FNIP1: variants seen among roughly 807,000 people sequenced by gnomAD.
FNIP1 encodes folliculin-interacting protein 1.
Under a neutral mutation model 124.5 loss-of-function variants are expected in FNIP1, and 40 were observed. That is an observed-to-expected ratio of 0.32 (90% CI 0.25 to 0.42). FNIP1 has a LOEUF of 0.42. Among genes scored for constraint, FNIP1 ranks in the 10% least tolerant of loss-of-function variants. The probability of loss-of-function intolerance (pLI) is 1.00; values close to 1 mark genes in which losing one functional copy is unlikely to be tolerated. For synonymous variants in FNIP1, 472 were observed against 470.6 expected (o/e 1.00, Z -0.04); for missense variants, 1,176 against 1,403.7 (o/e 0.84, Z 2.59).
chr5:131,792,902 G>GA (rs1772456452), intron 1 of FNIP1, among the ~76,000 whole-genome samples: 1 of 152,140 alleles, frequency 6.6e-6, no homozygotes, highest in Admixed American at 6.5e-5. Flanking sequence ...AGGCATTTCA[G>GA]GTAAAGGATA....
At chr5:131,731,215 A>G (rs1478141987) in intron 2 of FNIP1, among the ~76,000 whole-genome samples, 177 bp from the exon 3 acceptor site, 1 of 152,230 alleles carries the variant, frequency 6.6e-6, no homozygotes, top group African/African-American at 2.4e-5. Context: ...TCTTTGTCTC[A>G]TAACTATAAT....
chr5:131,772,252 G>T (rs749167405), intron 1 of FNIP1, among the ~76,000 whole-genome samples: 8 of 152,048 alleles, frequency 5.3e-5, no homozygotes, highest in Non-Finnish European at 1.2e-4. Context: ...CGATGTGGGG[G>T]AGAAGAGAAT....
chr5:131,682,392 C>T (rs1768119228), intron 11 of FNIP1, among the ~76,000 whole-genome samples: 1 of 152,052 alleles, frequency 6.6e-6, no homozygotes, highest in African/African-American at 2.4e-5. Context: ...GTGCTTCTCA[C>T]TATATACAAC....
intron 1 of FNIP1, among the ~76,000 whole-genome samples, chr5:131,783,506 G>A (rs1304445242): frequency 1.3e-5 from 2 of 150,740 alleles, no homozygotes; most frequent in Middle Eastern, 3.2e-3. Flanking sequence ...TGTCCCTGGA[G>A]GATCTAAAGT....
At chr5:131,748,756 C>T (rs1417547774) in intron 1 of FNIP1, among the ~76,000 whole-genome samples, 1 of 147,904 alleles carries the variant, frequency 6.8e-6, no homozygotes, top group East Asian at 2.0e-4. Flanking sequence ...ATTTACTATA[C>T]TTTTATCATT....
intron 15 of FNIP1, among the ~76,000 whole-genome samples, chr5:131,666,876 G>A (rs1010100457): frequency 6.6e-6 from 1 of 152,138 alleles, no homozygotes. Context: ...TGTGTTTGGC[G>A]ATGGGTACAG....
rs367616187 is a variant in FNIP1 at position 131,677,764 on chromosome 5, G to A, written c.1458C>T (p.Ser486=). The change falls in exon 13 of 18, where the codon TCC becomes TCT. Residue 486 remains serine (S), a synonymous_variant. Coordinates refer to ENST00000510461, the MANE Select transcript of FNIP1 (RefSeq NM_133372.3). ...PPIKIFLEKH[S]SQSVDMLAKT... ...TTGCCAACATGTCCACACTCTGAGAGGAATGCTTTTCTAAAAATATTTTTA... is the reference window on the plus strand; with the variant it reads ...TTGCCAACATGTCCACACTCTGAGAAGAATGCTTTTCTAAAAATATTTTTA... The A allele has an allele frequency of 1.7e-5, 28 of 1,614,020 alleles. No individual in the cohort carries two copies. The highest frequency in any genetic ancestry group is 2.7e-5 in the African/African-American group (2 of 74,924).
intron 7 of FNIP1, among the ~76,000 whole-genome samples, 194 bp from the exon 8 acceptor site, chr5:131,709,466 T>A (rs1225303719): frequency 6.6e-6 from 1 of 152,166 alleles, no homozygotes; most frequent in Non-Finnish European, 1.5e-5. Flanking sequence ...GAAGATTTGA[T>A]ACACAGTATA....
At chr5:131,748,564 G>T (rs1458465544) in intron 1 of FNIP1, among the ~76,000 whole-genome samples, 1 of 151,764 alleles carries the variant, frequency 6.6e-6, no homozygotes. Flanking sequence ...AGGCGTGGTG[G>T]CATGCACCTG....
intron 1 of FNIP1, among the ~76,000 whole-genome samples, chr5:131,785,792 C>A (rs1772198121): frequency 6.6e-6 from 1 of 152,118 alleles, no homozygotes; most frequent in African/African-American, 2.4e-5. Context: ...ATAGCTTGAG[C>A]CCAGGAGTTT....
At chr5:131,789,871 C>T (rs1235601432) in intron 1 of FNIP1, among the ~76,000 whole-genome samples, 2 of 152,258 alleles carry the variant, frequency 1.3e-5, no homozygotes, top group Non-Finnish European at 2.9e-5. Flanking sequence ...TCTCTATCTA[C>T]ACCCTTTTCC....
At chr5:131,775,293 T>C (rs1158187020) in intron 1 of FNIP1, among the ~76,000 whole-genome samples, 3 of 152,274 alleles carry the variant, frequency 2.0e-5, no homozygotes, top group Admixed American at 6.5e-5. Context: ...TTATTGTGTA[T>C]GCTATGTTTT....
intron 11 of FNIP1, among the ~76,000 whole-genome samples, chr5:131,688,101 T>TA (rs200001628): frequency 0.08 from 11,587 of 145,298 alleles, 577 homozygotes; most frequent in East Asian, 0.2. Flanking sequence ...AAATTCAGAC[T>TA]AAAAAAAAAA....
chr5:131,718,910 C>G lies in FNIP1; in HGVS notation c.530+76G>C. ...GAAAATCTGAACTTGTGCTGCAGTC[C>G]TAAAAGCAGTTGGTTAGTTTTCATA... On this transcript the variant is annotated intron_variant, in intron 5 of 17. Coordinates refer to ENST00000510461, the MANE Select transcript of FNIP1 (RefSeq NM_133372.3). The G allele has an allele frequency of 2.4e-6, 3 of 1,253,606 alleles. No homozygotes were observed. In the African/African-American group the frequency reaches 4.4e-5, roughly 19 times the overall value. 77.7% of individuals were successfully genotyped at this position (1,253,606 alleles called of 1,614,324 possible).
At chr5:131,750,612 C>T (rs1335791070) in intron 1 of FNIP1, among the ~76,000 whole-genome samples, 2 of 145,782 alleles carry the variant, frequency 1.4e-5, no homozygotes, top group East Asian at 3.9e-4. Flanking sequence ...TTCTTCCCTT[C>T]TTTCTTTTTT....
At chr5:131,712,243 T>G (rs920941095) in intron 6 of FNIP1, among the ~76,000 whole-genome samples, 1 of 152,186 alleles carries the variant, frequency 6.6e-6, no homozygotes, top group African/African-American at 2.4e-5. Flanking sequence ...CCATTCTTCT[T>G]CAAAAACCTC....
chr5:131,771,717 C>G (rs763464733), intron 1 of FNIP1, among the ~76,000 whole-genome samples: 10 of 152,196 alleles, frequency 6.6e-5, no homozygotes, highest in Non-Finnish European at 1.3e-4. Flanking sequence ...TCCATCCCTT[C>G]TAGTCTCCTG....
chr5:131,750,718 C>T (rs1208574021), intron 1 of FNIP1, among the ~76,000 whole-genome samples: 1 of 151,464 alleles, frequency 6.6e-6, no homozygotes, highest in African/African-American at 2.4e-5. Context: ...GCTTGAGAGA[C>T]TCTTGTGCCC....
rs533229899 is a variant in FNIP1 at position 131,767,124 on chromosome 5, T to A, written c.93-22434A>T. 2.2e-3 allele frequency among the ~76,000 whole-genome samples: 332 copies of A among 152,200 alleles called. 1 individual carries two copies. The highest frequency in any genetic ancestry group is 7.8e-3 in the African/African-American group (325 of 41,544). On this transcript the variant is annotated intron_variant, in intron 1 of 17. Coordinates refer to ENST00000510461, the MANE Select transcript of FNIP1 (RefSeq NM_133372.3). Reference sequence around the variant, plus strand: ...CTGCACTCCACTTGAAAGTATCTCCTACTATCAGGCTTAAAAGAAATTTTC... The same window carrying A: ...CTGCACTCCACTTGAAAGTATCTCCAACTATCAGGCTTAAAAGAAATTTTC...
Sources: allele counts gnomAD v4.1 joint callset (sites outside exome capture counted in the v4.1 genomes callset), GRCh38; gene constraint gnomAD v4.1.1; transcripts MANE v1.5; gene names NCBI Gene and HGNC (gene_info 2026-07-23, HGNC 2026-07-21).